The following HS3ST5 variants were observed in gnomAD, a reference collection of about 807,000 sequenced individuals.
The protein encoded by HS3ST5 is heparan sulfate-glucosamine 3-sulfotransferase 5, also known as heparan sulfate glucosamine 3-O-sulfotransferase 5.
In HS3ST5, 10 loss-of-function variants were observed where a neutral mutation model predicts 25.4. The observed-to-expected ratio is 0.39, with a 90% CI of 0.24 to 0.67. The LOEUF (loss-of-function observed/expected upper bound fraction) is 0.67. HS3ST5 is among the 30% of genes least tolerant of loss of function. The pLI is 0.44. For missense variants in HS3ST5, 324 were observed against 420.7 expected, an observed-to-expected ratio of 0.77 and a Z score of 2.01; for synonymous variants, 170 against 162.4, an observed-to-expected ratio of 1.05 and a Z score of -0.36.
At chr6:114,266,614 C>A in intron 1 of HS3ST5, among the ~76,000 whole-genome samples, 1 of 152,110 alleles carries the variant, frequency 6.6e-6, no homozygotes. Context: ...GAACAGAAAA[C>A]AACATTAATA....
intron 1 of HS3ST5, among the ~76,000 whole-genome samples, chr6:114,304,467 T>A (rs1256247129): frequency 6.6e-6 from 1 of 152,118 alleles, no homozygotes; most frequent in African/African-American, 2.4e-5. Flanking sequence ...TTAATGCCTC[T>A]ATACAATACA....
intron 3 of HS3ST5, among the ~76,000 whole-genome samples, chr6:114,166,135 A>G (rs1779199476): frequency 6.6e-6 from 1 of 152,200 alleles, no homozygotes; most frequent in African/African-American, 2.4e-5. Context: ...CATCCTTCTA[A>G]TCCCTACTCT....
At chr6:114,154,217 T>G (rs181466837) in intron 3 of HS3ST5, among the ~76,000 whole-genome samples, 10 of 152,308 alleles carry the variant, frequency 6.6e-5, no homozygotes, top group African/African-American at 2.4e-4. Context: ...GCAGTGTGAC[T>G]AGAGAAGTCT....
rs116821232 is a variant in HS3ST5, at chr6:114,169,025, G to T, written c.-144-563C>A. ...ACATGTTTGGCTCTAAAACTAAAGTGTTGTATTAGTGGGATGAAAAAAAAG... is the reference window on the plus strand; with the variant it reads ...ACATGTTTGGCTCTAAAACTAAAGTTTTGTATTAGTGGGATGAAAAAAAAG... On this transcript the variant is annotated intron_variant, in intron 2 of 4. Transcript: ENST00000312719. Among the ~76,000 whole-genome samples, 728 of 152,068 alleles carry T rather than the reference G, an allele frequency of 4.8e-3. 5 individuals are homozygous for T. The highest frequency in any genetic ancestry group is 0.015 in the African/African-American group (616 of 41,498).
At chr6:114,237,422 TTCC>T (rs1382914926) in intron 1 of HS3ST5, among the ~76,000 whole-genome samples, 1 of 152,162 alleles carries the variant, frequency 6.6e-6, no homozygotes, top group Admixed American at 6.5e-5. Flanking sequence ...AAGTTATTTC[TTCC>T]TCCTCAATTT....
At chr6:114,120,407 A>G (rs1242573641) in intron 3 of HS3ST5, among the ~76,000 whole-genome samples, 1 of 152,152 alleles carries the variant, frequency 6.6e-6, no homozygotes, top group Non-Finnish European at 1.5e-5. Flanking sequence ...ATCTTCTATG[A>G]TTTCAATGTC....
chr6:114,198,740 T>C (rs562146414), intron 2 of HS3ST5, among the ~76,000 whole-genome samples: 1 of 152,286 alleles, frequency 6.6e-6, no homozygotes, highest in African/African-American at 2.4e-5. Context: ...ACTTTGTAAA[T>C]CATGTGGTTA....
At chr6:114,084,123 A>G (rs1774631609) in intron 3 of HS3ST5, 1 of 597,918 alleles carries the variant, frequency 1.7e-6, no homozygotes, top group Non-Finnish European at 3.0e-6. Flanking sequence ...TTTATTTCCC[A>G]TCAACCTTAT....
chr6:114,334,693 G>A (rs1273236434), intron 1 of HS3ST5, among the ~76,000 whole-genome samples: 2 of 152,120 alleles, frequency 1.3e-5, no homozygotes, highest in Non-Finnish European at 2.9e-5. Context: ...TCCTAAGTGT[G>A]TACCAGGCTA....
chr6:114,159,740 C>T (rs951959118), intron 3 of HS3ST5, among the ~76,000 whole-genome samples: 32 of 152,256 alleles, frequency 2.1e-4, no homozygotes, highest in African/African-American at 7.5e-4. Flanking sequence ...AACCTTGGAA[C>T]TCATTTAAGC....
intron 4 of HS3ST5, among the ~76,000 whole-genome samples, chr6:114,061,585 A>G (rs940934905): frequency 6.6e-6 from 1 of 152,220 alleles, no homozygotes; most frequent in African/African-American, 2.4e-5. Context: ...TTAATTTTGT[A>G]TGTGTTTTCA....
chr6:114,320,725 A>G (rs1200088837), intron 1 of HS3ST5, among the ~76,000 whole-genome samples: 1 of 152,030 alleles, frequency 6.6e-6, no homozygotes, highest in East Asian at 1.9e-4. Flanking sequence ...CTTTATTTGT[A>G]TCTGCTTTAT....
intron 2 of HS3ST5, among the ~76,000 whole-genome samples, chr6:114,184,054 C>CTTTTTTTTTTTTTTTT (rs34370810): frequency 2.5e-5 from 2 of 78,688 alleles, no homozygotes; most frequent in Non-Finnish European, 4.5e-5. Flanking sequence ...TTTTTCCTTT[C>CTTTTTTTTTTTTTTTT]TTTTTTTTTT....
intron 3 of HS3ST5, among the ~76,000 whole-genome samples, chr6:114,116,686 C>A (rs940507209): frequency 6.6e-6 from 1 of 152,036 alleles, no homozygotes; most frequent in Non-Finnish European, 1.5e-5. Context: ...CCTCCTTCCC[C>A]ATCCTCTTGC....
At chr6:114,183,116 G>C (rs1582690580) in intron 2 of HS3ST5, among the ~76,000 whole-genome samples, 1 of 152,174 alleles carries the variant, frequency 6.6e-6, no homozygotes, top group East Asian at 1.9e-4. Context: ...GGCAGATCAT[G>C]GGACTTCTCA....
intron 2 of HS3ST5, among the ~76,000 whole-genome samples, chr6:114,191,106 T>A (rs1159691248): frequency 6.6e-6 from 1 of 152,138 alleles, no homozygotes; most frequent in Non-Finnish European, 1.5e-5. Flanking sequence ...ATATTAAGCA[T>A]AGAAAATATG....
intron 1 of HS3ST5, among the ~76,000 whole-genome samples, chr6:114,229,839 C>T (rs1407932468): frequency 6.6e-6 from 1 of 152,176 alleles, no homozygotes; most frequent in African/African-American, 2.4e-5. Context: ...ATGTAAAAGA[C>T]AATGGAAGTC....
At chr6:114,335,064 A>G (rs1776553998) in intron 1 of HS3ST5, among the ~76,000 whole-genome samples, 1 of 152,152 alleles carries the variant, frequency 6.6e-6, no homozygotes, top group African/African-American at 2.4e-5. Context: ...CTTGGGGGCT[A>G]ACTGTAACTA....
intron 2 of HS3ST5, among the ~76,000 whole-genome samples, chr6:114,193,019 A>G (rs1780576498): frequency 1.3e-5 from 2 of 152,118 alleles, no homozygotes; most frequent in African/African-American, 4.8e-5. Context: ...GCATGGGTGT[A>G]TATCTGTGGG....
Sources: allele counts gnomAD v4.1 joint callset (sites outside exome capture counted in the v4.1 genomes callset), GRCh38; gene constraint gnomAD v4.1.1; transcripts MANE v1.5; gene names NCBI Gene and HGNC (gene_info 2026-07-23, HGNC 2026-07-21).